PKP2: variants seen among roughly 807,000 people sequenced by gnomAD.
The protein encoded by PKP2 is plakophilin-2.
PKP2 carries 73 observed loss-of-function variants against 83.4 expected under a neutral mutation model. The ratio of observed to expected loss-of-function variants is 0.88; its 90% CI spans 0.72 to 1.06. PKP2 has a LOEUF of 1.06. Among genes scored for constraint, PKP2 ranks in the 50% least tolerant of loss-of-function variants. The pLI, the probability that PKP2 is intolerant of heterozygous loss-of-function variation, is 0.00. For missense variants in PKP2, 966 were observed against 1,065.4 expected (o/e 0.91, Z 1.30); for synonymous variants, 409 against 430.4 (o/e 0.95, Z 0.62).
At chr12:32,849,005 TAAAAAAA>T (rs397850139) in intron 5 of PKP2, among the ~76,000 whole-genome samples, 2 of 122,994 alleles carry the variant, frequency 1.6e-5, no homozygotes, top group African/African-American at 5.9e-5. Context: ...ATTACACAGT[TAAAAAAA>T]AAAAAAAAAA....
chr12:32,807,378 T>G (rs1346952151), intron 9 of PKP2, among the ~76,000 whole-genome samples: 1 of 152,202 alleles, frequency 6.6e-6, no homozygotes, highest in Non-Finnish European at 1.5e-5. Flanking sequence ...TCCATTTGCT[T>G]GGTAAATTTT....
intron 3 of PKP2, among the ~76,000 whole-genome samples, chr12:32,876,754 T>C (rs559591074): frequency 2.0e-5 from 3 of 152,334 alleles, no homozygotes; most frequent in Admixed American, 2.0e-4. Context: ...GGTCTTGAAC[T>C]CCTAAACTCA....
chr12:32,846,069 A>G (rs563364072), intron 5 of PKP2, among the ~76,000 whole-genome samples: 1 of 152,356 alleles, frequency 6.6e-6, no homozygotes, highest in South Asian at 2.1e-4. Context: ...TAAAATATGC[A>G]GGGATTAATA....
At chr12:32,804,335 G>T (rs549919382) in intron 9 of PKP2, among the ~76,000 whole-genome samples, 2 of 152,250 alleles carry the variant, frequency 1.3e-5, no homozygotes, top group South Asian at 4.2e-4. Context: ...GGGTACATGT[G>T]TAGGATGTGT....
intron 4 of PKP2, among the ~76,000 whole-genome samples, chr12:32,865,253 T>A (rs571961036): frequency 6.6e-6 from 1 of 151,758 alleles, no homozygotes; most frequent in African/African-American, 2.4e-5. Flanking sequence ...CAGTTGCCTG[T>A]AATCCCAGCT....
At chr12:32,829,638 GTGGC>G (rs1956479953) in intron 6 of PKP2, among the ~76,000 whole-genome samples, 1 of 151,234 alleles carries the variant, frequency 6.6e-6, no homozygotes, top group East Asian at 2.0e-4. Context: ...ACAAGGCCTG[GTGGC>G]TGTGGGACCA....
chr12:32,884,054 A>G (rs1957008438), intron 1 of PKP2, among the ~76,000 whole-genome samples: 1 of 152,218 alleles, frequency 6.6e-6, no homozygotes, highest in Non-Finnish European at 1.5e-5. Flanking sequence ...GGAATGTCAT[A>G]AAGGGAAGAA....
chr12:32,834,976 CGTGT>C (rs10629969), intron 6 of PKP2, among the ~76,000 whole-genome samples: 1,462 of 119,420 alleles, frequency 0.012, 16 homozygotes, highest in Middle Eastern at 0.036. Context: ...TCACAATAGG[CGTGT>C]GTGTGTGTGT....
At position 32,861,809 on chromosome 12, in the gene PKP2, T is replaced by C. The variant is rs968175483; in HGVS notation, c.1170+7118A>G. Among the ~76,000 whole-genome samples the C allele has an allele frequency of 3.9e-5, 6 of 152,254 alleles. No homozygotes were observed. The East Asian group carries it at 9.7e-4, about 25-fold the overall frequency. ...GCCAGAGGTGGGAAGAAAAGACTCA[T>C]GTATGGAGGAAGAAAGATAAGGATG... On this transcript the variant is annotated intron_variant, in intron 4 of 12. Coordinates refer to ENST00000340811, the MANE Select transcript of PKP2 (RefSeq NM_001005242.3).
At chr12:32,830,208 A>T (rs942885380) in intron 6 of PKP2, among the ~76,000 whole-genome samples, 1 of 152,164 alleles carries the variant, frequency 6.6e-6, no homozygotes, top group Non-Finnish European at 1.5e-5. Context: ...TCCTCTTGTT[A>T]TTTGAGATTT....
rs1311725285 is a variant in PKP2, at chr12:32,822,617, A to C, written c.1689T>G (p.Cys563Trp). The C allele has an allele frequency of 1.2e-6, 2 of 1,614,120 alleles. No individual in the cohort carries two copies. The highest frequency in any genetic ancestry group is 1.1e-5 in the South Asian group (1 of 91,090). ...AGGAGAGGTTATGAAGAATGCACAC[A>C]CAATTCTCCGTGGCCTGAGAAAACA... ...YQPDDKATEN[C>W]VCILHNLSYQ... Residue 563 changes from cysteine to tryptophan, a missense_variant, in exon 8 of 13, where the codon TGT becomes TGG. Cys to Trp is a radical substitution (Grantham distance 215, BLOSUM62 -2). Coordinates refer to ENST00000340811, the MANE Select transcript of PKP2 (RefSeq NM_001005242.3).
intron 4 of PKP2, among the ~76,000 whole-genome samples, chr12:32,856,080 T>C (rs1956745598): frequency 6.6e-6 from 1 of 152,158 alleles, no homozygotes; most frequent in East Asian, 1.9e-4. Flanking sequence ...TATGGGTGCA[T>C]TTCCTTTTTT....
intron 11 of PKP2, 99 bp downstream of exon 11, chr12:32,796,010 C>A (rs1956117223): frequency 1.9e-6 from 2 of 1,068,402 alleles, no homozygotes; most frequent in Non-Finnish European, 2.9e-6. Context: ...TGCCATGTTG[C>A]ACATGATGGT....
intron 9 of PKP2, chr12:32,821,144 TA>T: frequency 1.8e-6 from 1 of 562,030 alleles, no homozygotes; most frequent in Admixed American, 3.0e-5. Flanking sequence ...CTGAGATCTG[TA>T]ACTGAAAGAG....
intron 10 of PKP2, among the ~76,000 whole-genome samples, chr12:32,798,618 A>G (rs1956153005): frequency 1.3e-5 from 2 of 152,188 alleles, no homozygotes; most frequent in South Asian, 4.1e-4. Flanking sequence ...CTTACAGCCA[A>G]CTGATCTTTG....
At chr12:32,892,541 C>A (rs920002181) in intron 1 of PKP2, among the ~76,000 whole-genome samples, 8 of 151,984 alleles carry the variant, frequency 5.3e-5, no homozygotes, top group Non-Finnish European at 1.2e-4. Context: ...ATCTCAAACT[C>A]CTGACCTCAG....
intron 9 of PKP2, among the ~76,000 whole-genome samples, chr12:32,806,297 G>C (rs149864014): frequency 6.6e-6 from 1 of 151,948 alleles, no homozygotes; most frequent in Admixed American, 6.6e-5. Flanking sequence ...GTACCTACCC[G>C]CTCTTTGTAC....
chr12:32,851,081 T>G, intron 4 of PKP2, 108 bp from the exon 5 acceptor site: 1 of 874,160 alleles, frequency 1.1e-6, no homozygotes, highest in Non-Finnish European at 1.9e-6. Context: ...ATAACCTTTC[T>G]TCATCAACAA....
At chr12:32,849,159 T>C (rs920531034) in intron 5 of PKP2, among the ~76,000 whole-genome samples, 10 of 150,998 alleles carry the variant, frequency 6.6e-5, no homozygotes, top group Non-Finnish European at 1.0e-4. Context: ...CGCTGAGACA[T>C]TGAAGATATT....
Sources: gnomAD v4.1 joint callset for allele counts (sites outside exome capture counted in the v4.1 genomes callset) on GRCh38, gnomAD v4.1.1 for gene constraint, MANE v1.5 for transcripts, NCBI Gene and HGNC (gene_info 2026-07-23, HGNC 2026-07-21) for gene names.